PLPPR1: variants seen among roughly 807,000 people sequenced by gnomAD.
The protein encoded by PLPPR1 is phospholipid phosphatase-related protein type 1.
In PLPPR1, 10 loss-of-function variants were observed where a neutral mutation model predicts 33.1. That is an observed-to-expected ratio of 0.30 (90% CI 0.19 to 0.51). The LOEUF is 0.51. Ranked by LOEUF, PLPPR1 falls within the 20% of genes least tolerant of loss-of-function variation. The probability of loss-of-function intolerance (pLI) is 0.97; values close to 1 mark genes in which losing one functional copy is unlikely to be tolerated. For missense variants in PLPPR1, 304 were observed against 408.1 expected, an observed-to-expected ratio of 0.74 and a Z score of 2.20; for synonymous variants, 151 against 151.0, an observed-to-expected ratio of 1.00 and a Z score of 0.00.
chr9:101,323,067 G>C (rs995594792), intron 7 of PLPPR1, among the ~76,000 whole-genome samples: 1 of 152,120 alleles, frequency 6.6e-6, no homozygotes, highest in African/African-American at 2.4e-5. Context: ...ATGTAGAAAG[G>C]TTTTAAACAC....
At chr9:101,032,103 T>C (rs1829952404) in intron 1 of PLPPR1, among the ~76,000 whole-genome samples, 1 of 152,182 alleles carries the variant, frequency 6.6e-6, no homozygotes, top group Non-Finnish European at 1.5e-5. Flanking sequence ...AGTAGTTCTG[T>C]GTGGCTGTAG....
intron 1 of PLPPR1, among the ~76,000 whole-genome samples, chr9:101,102,480 A>G (rs1306157562): frequency 1.1e-5 from 1 of 91,202 alleles, no homozygotes; most frequent in African/African-American, 5.1e-5. Context: ...TGAACTCATC[A>G]TTTTTTATGG....
In PLPPR1 at chr9:101,036,996, A is replaced by C. The variant is rs117401016; in HGVS notation, c.-46+7894A>C. Among the ~76,000 whole-genome samples, 474 of 152,202 alleles carry C rather than the reference A, an allele frequency of 3.1e-3. 1 individual carries two copies. The highest frequency in any genetic ancestry group is 5.8e-3 in the Non-Finnish European group (397 of 67,996). ...CCAAAATCTATGCTTATCTTATTTAATCCTTCTGATTCTCAAAGGTGTAGA... is the reference window on the plus strand; with the variant it reads ...CCAAAATCTATGCTTATCTTATTTACTCCTTCTGATTCTCAAAGGTGTAGA... On this transcript the variant is annotated intron_variant, in intron 1 of 7. Transcript: ENST00000374874.
At chr9:101,135,160 A>C (rs1226902616) in intron 1 of PLPPR1, among the ~76,000 whole-genome samples, 4 of 152,208 alleles carry the variant, frequency 2.6e-5, no homozygotes, top group Admixed American at 6.5e-5. Flanking sequence ...GCTTGCTGCT[A>C]TCCCCATGGT....
At position 101,037,854 on chromosome 9, in the gene PLPPR1, G is replaced by GTT. The variant is rs34419550; in HGVS notation, c.-46+8766_-46+8767dup. On this transcript the variant is annotated intron_variant, in intron 1 of 7. Coordinates refer to ENST00000374874, the MANE Select transcript of PLPPR1 (RefSeq NM_207299.2). ...GGTTTGAGACAGTCTTTTGGGTCTA[G>GTT]TTTTTTTTTTTTTTTGCATGGATTG... Among the ~76,000 whole-genome samples, 702 of 138,584 alleles carry GTT rather than the reference G, an allele frequency of 5.1e-3. 7 individuals are homozygous for GTT. The highest frequency in any genetic ancestry group is 8.0e-3 in the African/African-American group (299 of 37,458). 90.9% of individuals were successfully genotyped at this position (138,584 alleles called of 152,430 possible).
rs1829227909 is a variant in PLPPR1 at position 101,325,071 on chromosome 9, C to T, written c.*1014C>T. 1 of 152,068 alleles carries T rather than the reference C, an allele frequency of 6.6e-6. No individual in the cohort carries two copies. The highest frequency in any genetic ancestry group is 6.5e-5 in the Admixed American group (1 of 15,276). The allele number at this position is 152,068 out of a possible 1,614,324, so 9.4% of individuals were successfully genotyped here. On this transcript the variant is annotated 3_prime_UTR_variant, in exon 8 of 8. Transcript: ENST00000374874. Reference sequence around the variant, plus strand: ...TTTTCTTGACACTTCCATGTTGGCTCTTCTCAGCTTTTTTTGTACATATTT... The same window carrying T: ...TTTTCTTGACACTTCCATGTTGGCTTTTCTCAGCTTTTTTTGTACATATTT...
chr9:101,071,485 A>G (rs1830481369), intron 1 of PLPPR1, among the ~76,000 whole-genome samples: 1 of 152,144 alleles, frequency 6.6e-6, no homozygotes, highest in South Asian at 2.1e-4. Flanking sequence ...AGTACCCACT[A>G]CGTGCCAGAC....
At chr9:101,285,122 G>A (rs751714631) in intron 3 of PLPPR1, among the ~76,000 whole-genome samples, 10 of 152,112 alleles carry the variant, frequency 6.6e-5, no homozygotes, top group East Asian at 1.9e-4. Flanking sequence ...AGTGCCTAAC[G>A]CCCAGTATTT....
intron 3 of PLPPR1, among the ~76,000 whole-genome samples, chr9:101,276,409 ATTGT>A (rs1828197505): frequency 6.6e-6 from 1 of 151,596 alleles, no homozygotes; most frequent in Non-Finnish European, 1.5e-5. Flanking sequence ...TCCTTTAGAG[ATTGT>A]TTTTCTCCTG....
chr9:101,163,187 T>C (rs553702063), intron 1 of PLPPR1, among the ~76,000 whole-genome samples: 1 of 152,324 alleles, frequency 6.6e-6, no homozygotes, highest in South Asian at 2.1e-4. Context: ...AGCAGTCCCT[T>C]CTTATTGAAC....
chr9:101,263,659 C>A (rs891788354), intron 2 of PLPPR1, among the ~76,000 whole-genome samples: 1 of 152,138 alleles, frequency 6.6e-6, no homozygotes, highest in Non-Finnish European at 1.5e-5. Context: ...TTCCCCTAGG[C>A]CACACAAATT....
Position 101,312,837 on chromosome 9 carries a change from C to G in PLPPR1, c.676C>G (p.Leu226Val). 1 of 1,614,176 alleles carries G rather than the reference C, an allele frequency of 6.2e-7. No individual in the cohort carries two copies. Among genetic ancestry groups the G allele is most frequent in the Non-Finnish European group, 8.5e-7 (1 of 1,180,022 alleles). ...CACAATCAAGACGAAGAGCAGTCGACTGGCCAAGCCGGTGCTGTGCCTCGG... is the reference window on the plus strand; with the variant it reads ...CACAATCAAGACGAAGAGCAGTCGAGTGGCCAAGCCGGTGCTGTGCCTCGG... Reference protein sequence around the residue: ...TSTIKTKSSRLAKPVLCLGTL... With the variant: ...TSTIKTKSSRVAKPVLCLGTL... The change falls in exon 6 of 8, where the codon CTG becomes GTG. Residue 226 changes from leucine (L) to valine (V), a missense_variant. Transcript: ENST00000374874.
intron 1 of PLPPR1, among the ~76,000 whole-genome samples, chr9:101,040,389 G>T (rs1830062092): frequency 6.6e-6 from 1 of 152,084 alleles, no homozygotes; most frequent in African/African-American, 2.4e-5. Context: ...TATGTCACAA[G>T]AAACTGTCCA....
intron 4 of PLPPR1, among the ~76,000 whole-genome samples, chr9:101,290,178 A>G (rs994727086): frequency 1.3e-5 from 2 of 152,228 alleles, no homozygotes; most frequent in African/African-American, 2.4e-5. Context: ...AAAATAAGGG[A>G]GTAATCAAAA....
chr9:101,184,726 G>A (rs945574189), intron 1 of PLPPR1, among the ~76,000 whole-genome samples: 3 of 146,936 alleles, frequency 2.0e-5, no homozygotes, highest in African/African-American at 7.6e-5. Context: ...TCAGTTCAAG[G>A]CAGGGAAGAT....
At chr9:101,224,221 T>A (rs1279756916) in intron 2 of PLPPR1, among the ~76,000 whole-genome samples, 1 of 152,158 alleles carries the variant, frequency 6.6e-6, no homozygotes, top group Non-Finnish European at 1.5e-5. Context: ...CAAATTTGGG[T>A]GAAGGTCTTT....
intron 1 of PLPPR1, among the ~76,000 whole-genome samples, chr9:101,158,772 T>A (rs746221145): frequency 1.6e-4 from 25 of 152,314 alleles, no homozygotes; most frequent in Non-Finnish European, 3.7e-4. Context: ...TGAGCAATTA[T>A]CCTCTGCTTC....
chr9:101,126,642 T>C (rs1378184885), intron 1 of PLPPR1, among the ~76,000 whole-genome samples: 1 of 152,216 alleles, frequency 6.6e-6, no homozygotes, highest in Non-Finnish European at 1.5e-5. Flanking sequence ...GTAAGTTTTA[T>C]AGCTAATTGA....
chr9:101,211,191 A>C (rs1826684033), intron 2 of PLPPR1, among the ~76,000 whole-genome samples: 3 of 152,180 alleles, frequency 2.0e-5, no homozygotes, highest in Admixed American at 2.0e-4. Flanking sequence ...AAGATTCATT[A>C]AGATGGTAAG....
Sources: gnomAD v4.1 joint callset for allele counts (sites outside exome capture counted in the v4.1 genomes callset) on GRCh38, gnomAD v4.1.1 for gene constraint, MANE v1.5 for transcripts, NCBI Gene and HGNC (gene_info 2026-07-23, HGNC 2026-07-21) for gene names.